The following SIMC1 variants were observed in gnomAD, a reference collection of about 807,000 sequenced individuals.
SIMC1 encodes SUMO interacting motifs containing 1, also known as SUMO-interacting motif-containing protein 1.
In SIMC1, 55 loss-of-function variants were observed where a neutral mutation model predicts 82.3. The observed-to-expected ratio is 0.67, with a 90% CI of 0.54 to 0.84. The LOEUF (loss-of-function observed/expected upper bound fraction) is 0.84, where lower values mean the gene tolerates loss of function less well. SIMC1 is among the 40% of genes least tolerant of loss of function. SIMC1 has a pLI of 0.00. For missense variants in SIMC1, 915 were observed against 1,107.2 expected (o/e 0.83, Z 2.46); for synonymous variants, 353 against 426.3 (o/e 0.83, Z 2.12).
chr5:176,287,318 T>C (rs914024950), intron 1 of SIMC1, among the ~76,000 whole-genome samples: 21 of 152,200 alleles, frequency 1.4e-4, no homozygotes, highest in Non-Finnish European at 2.6e-4. Flanking sequence ...GATGAGTTCA[T>C]GTCCTTTGTA....
At chr5:176,331,368 T>C (rs1765659682) in intron 7 of SIMC1, among the ~76,000 whole-genome samples, 2 of 131,452 alleles carry the variant, frequency 1.5e-5, no homozygotes, top group African/African-American at 5.8e-5. Flanking sequence ...AGACTCTGTC[T>C]AAAAAAAAAA....
intron 1 of SIMC1, among the ~76,000 whole-genome samples, chr5:176,279,621 A>G (rs1029033356): frequency 3.1e-4 from 46 of 148,656 alleles, no homozygotes; most frequent in Non-Finnish European, 6.1e-4. Flanking sequence ...AGTGCTATAA[A>G]TTTCCCTCTA....
rs374216303 is a variant in SIMC1 at position 176,324,734 on chromosome 5, G to A, written c.2148G>A (p.Leu716=). ...KIAEMMFGFV[L]DIPERSQREM... is the part of the protein sequence containing the mutation. Reference sequence around the variant, plus strand: ...CCGAGATGATGTTTGGGTTTGTGCTGGACATTCCTGAGAGGAGCCAGAGGT... The same window carrying A: ...CCGAGATGATGTTTGGGTTTGTGCTAGACATTCCTGAGAGGAGCCAGAGGT... Residue 716 remains leucine (L), a synonymous_variant, in exon 7 of 10, where the codon CTG becomes CTA. Transcript: ENST00000429602. The A allele has an allele frequency of 6.3e-7, 1 of 1,598,376 alleles. No individual in the cohort carries two copies. Among genetic ancestry groups the A allele is most frequent in the Non-Finnish European group, 8.5e-7 (1 of 1,172,190 alleles).
At chr5:176,284,382 C>T (rs1424981722) in intron 1 of SIMC1, among the ~76,000 whole-genome samples, 1 of 152,094 alleles carries the variant, frequency 6.6e-6, no homozygotes, top group African/African-American at 2.4e-5. Flanking sequence ...CTCAAAACCG[C>T]TCAACTACAT....
At chr5:176,311,103 G>A (rs1461089249) in intron 4 of SIMC1, among the ~76,000 whole-genome samples, 1 of 152,184 alleles carries the variant, frequency 6.6e-6, no homozygotes, top group Admixed American at 6.5e-5. Context: ...GTGCCCATGA[G>A]GGATCTTGTG....
chr5:176,317,109 T>C (rs1282876737), intron 5 of SIMC1, among the ~76,000 whole-genome samples: 1 of 152,192 alleles, frequency 6.6e-6, no homozygotes, highest in Non-Finnish European at 1.5e-5. Context: ...GGCAGGAAAA[T>C]GAGCTATCTT....
chr5:176,337,273 G>GA (rs1232557315), intron 9 of SIMC1, 127 bp downstream of exon 9: 5 of 803,384 alleles, frequency 6.2e-6, no homozygotes, highest in Non-Finnish European at 9.9e-6. Flanking sequence ...TATTATAAGG[G>GA]ATAAGAAATG....
At chr5:176,248,946 G>A (rs1761550158) in intron 1 of SIMC1, among the ~76,000 whole-genome samples, 1 of 152,178 alleles carries the variant, frequency 6.6e-6, no homozygotes, top group African/African-American at 2.4e-5. Flanking sequence ...TCCCAGGGAT[G>A]AAGCCAATTT....
At chr5:176,265,550 C>A (rs1561678536) in intron 1 of SIMC1, among the ~76,000 whole-genome samples, 3 of 152,080 alleles carry the variant, frequency 2.0e-5, no homozygotes. Context: ...TTGTTTTGCT[C>A]TAAAATGTGA....
intron 4 of SIMC1, among the ~76,000 whole-genome samples, chr5:176,299,809 A>G (rs1763967804): frequency 1.3e-5 from 2 of 152,246 alleles, no homozygotes; most frequent in Non-Finnish European, 2.9e-5. Flanking sequence ...ATTCCACCCA[A>G]CAACAGCAGA....
intron 1 of SIMC1, among the ~76,000 whole-genome samples, chr5:176,246,403 CAG>C (rs1761443542): frequency 7.2e-6 from 1 of 138,880 alleles, no homozygotes; most frequent in Admixed American, 7.1e-5. Flanking sequence ...TATAATAGTT[CAG>C]GGGTGTGTGT....
At chr5:176,327,080 C>T (rs936011324) in intron 7 of SIMC1, among the ~76,000 whole-genome samples, 1 of 152,194 alleles carries the variant, frequency 6.6e-6, no homozygotes, top group Non-Finnish European at 1.5e-5. Flanking sequence ...AGGAGTATTT[C>T]ATTTGGGTCC....
chr5:176,284,993 C>T (rs4868629), intron 1 of SIMC1, among the ~76,000 whole-genome samples: 111,610 of 152,016 alleles, frequency 0.73, 41,131 homozygotes, highest in Middle Eastern at 0.84. Context: ...CAGGACCAGA[C>T]GGATTCACAG....
At chr5:176,316,843 C>T (rs976404845) in intron 5 of SIMC1, among the ~76,000 whole-genome samples, 1 of 152,052 alleles carries the variant, frequency 6.6e-6, no homozygotes, top group Admixed American at 6.6e-5. Flanking sequence ...CAAAAACAGC[C>T]AGGCATGGTG....
chr5:176,295,167 A>T lies in SIMC1; in HGVS notation c.1569A>T (p.Glu523Asp). 1 of 1,613,596 alleles carries T rather than the reference A, an allele frequency of 6.2e-7. No homozygotes were observed. Among genetic ancestry groups the T allele is most frequent in the Non-Finnish European group, 8.5e-7 (1 of 1,179,688 alleles). Reference sequence around the variant, plus strand: ...CACCCCAGCATTACCCACCAAGAGAAATCGTGGCTCACATCATCCAGAAAA... The same window carrying T: ...CACCCCAGCATTACCCACCAAGAGATATCGTGGCTCACATCATCCAGAAAA... Reference protein sequence around the residue: ...FVSPQHYPPREIVAHIIQKIL... With the variant: ...FVSPQHYPPRDIVAHIIQKIL... The change falls in exon 3 of 10, where the codon GAA (glutamate) becomes GAT (aspartate). Residue 523 changes from glutamate (E) to aspartate (D), a missense_variant. Transcript: ENST00000429602.
Position 176,340,613 on chromosome 5 carries a change from A to T in SIMC1, c.2413+3467A>T, listed in dbSNP as rs372369593. On this transcript the variant is annotated intron_variant, in intron 9 of 9. Coordinates refer to ENST00000429602, the MANE Select transcript of SIMC1 (RefSeq NM_001308195.2). ...ATTCATATATTTATCCAGGCAACAGATATCTACTGAATGTCCTCTCTGTCC... is the reference window on the plus strand; with the variant it reads ...ATTCATATATTTATCCAGGCAACAGTTATCTACTGAATGTCCTCTCTGTCC... 3.3e-5 allele frequency among the ~76,000 whole-genome samples: 5 copies of T among 152,318 alleles called. No individual in the cohort carries two copies. In the East Asian group the frequency reaches 9.6e-4, roughly 29 times the overall value.
At chr5:176,324,408 G>A (rs1765288245) in intron 6 of SIMC1, among the ~76,000 whole-genome samples, 1 of 152,146 alleles carries the variant, frequency 6.6e-6, no homozygotes, top group South Asian at 2.1e-4. Context: ...GGTTCTGAGA[G>A]GTTCAAATAG....
intron 6 of SIMC1, among the ~76,000 whole-genome samples, chr5:176,323,094 A>G (rs1765232939): frequency 6.6e-6 from 1 of 152,250 alleles, no homozygotes; most frequent in African/African-American, 2.4e-5. Flanking sequence ...GTCTGAATTC[A>G]CAATGTTATA....
chr5:176,256,821 T>C (rs1177449755), intron 1 of SIMC1, among the ~76,000 whole-genome samples: 5 of 152,226 alleles, frequency 3.3e-5, no homozygotes, highest in Non-Finnish European at 1.5e-5. Flanking sequence ...TAGCTCATTG[T>C]AGCCTTGAAC....
Sources: allele counts gnomAD v4.1 joint callset (sites outside exome capture counted in the v4.1 genomes callset), GRCh38; gene constraint gnomAD v4.1.1; transcripts MANE v1.5; gene names NCBI Gene and HGNC (gene_info 2026-07-23, HGNC 2026-07-21).